Variants in SERAC1 observed in about 807,000 individuals in gnomAD.
SERAC1 encodes protein SERAC1.
Under a neutral mutation model 85.7 loss-of-function variants are expected in SERAC1, and 36 were observed. The ratio of observed to expected loss-of-function variants is 0.42; its 90% CI spans 0.32 to 0.55. The LOEUF is 0.55. Ranked by LOEUF, SERAC1 falls within the 20% of genes least tolerant of loss-of-function variation. SERAC1 has a pLI of 0.11. For missense variants in SERAC1, 629 were observed against 796.2 expected (o/e 0.79, Z 2.53); for synonymous variants, 242 against 265.3 (o/e 0.91, Z 0.85).
At chr6:158,141,820 C>A (rs566914452) in intron 8 of SERAC1, among the ~76,000 whole-genome samples, 1 of 152,296 alleles carries the variant, frequency 6.6e-6, no homozygotes, top group East Asian at 1.9e-4. Flanking sequence ...AAAAGAAAAA[C>A]CATTATAATT....
Position 158,119,042 on chromosome 6 carries a change from G to A in SERAC1, c.1295C>T (p.Thr432Met), listed in dbSNP as rs780982964. The change falls in exon 12 of 17, where the codon ACG becomes ATG. Residue 432 changes from threonine to methionine, a missense_variant. Physicochemically the swap from Thr to Met is moderately conservative, Grantham distance 81. Transcript: ENST00000647468. This position sits in a 1 kb window ranked among gnomAD's most constrained non-coding sequence, Gnocchi z 4.5. ...KPMEDEDRYT[T>M]CWPKTWLAKD... ...TGGCTCCCTTACCTTGGGCCAGCAC[G>A]TCGTATATCTGTCTTCATCCTCCAT... 1.2e-5 allele frequency: 19 copies of A among 1,612,928 alleles called. No homozygotes were observed. The highest frequency in any genetic ancestry group is 1.1e-4 in the South Asian group (10 of 90,858).
intron 2 of SERAC1, among the ~76,000 whole-genome samples, chr6:158,156,858 A>G (rs1312290411): frequency 7.3e-6 from 1 of 137,156 alleles, no homozygotes; most frequent in Non-Finnish European, 1.5e-5. Flanking sequence ...TATATATAAT[A>G]AATATTAATA....
At chr6:158,162,776 T>C (rs1785515464) in intron 1 of SERAC1, among the ~76,000 whole-genome samples, 1 of 152,230 alleles carries the variant, frequency 6.6e-6, no homozygotes, top group Non-Finnish European at 1.5e-5. Context: ...AAACTTCCAG[T>C]TGGCTCACTT....
chr6:158,156,791 A>T (rs924522138), intron 2 of SERAC1, among the ~76,000 whole-genome samples: 1 of 136,036 alleles, frequency 7.4e-6, no homozygotes, highest in Non-Finnish European at 1.5e-5. Context: ...TATATTATAT[A>T]TGTTTAAATG....
chr6:158,123,583 T>C (rs925216255), intron 10 of SERAC1, among the ~76,000 whole-genome samples: 1 of 152,196 alleles, frequency 6.6e-6, no homozygotes. Context: ...AGAAACATAA[T>C]TGCTGAGCAA....
At chr6:158,114,372 G>T in intron 15 of SERAC1, 1 of 525,696 alleles carries the variant, frequency 1.9e-6, no homozygotes, top group Non-Finnish European at 2.5e-6. Context: ...ATTAACAGGT[G>T]TTCCAGAGAG....
intron 10 of SERAC1, among the ~76,000 whole-genome samples, chr6:158,121,982 CATA>C (rs1342507783): frequency 6.6e-6 from 1 of 152,206 alleles, no homozygotes; most frequent in Non-Finnish European, 1.5e-5. Context: ...ATGCAAAACA[CATA>C]ATAATGTTTC....
At chr6:158,146,209 G>A (rs1004506120) in intron 6 of SERAC1, 12 of 152,078 alleles carry the variant, frequency 7.9e-5, no homozygotes, top group African/African-American at 2.9e-4. Flanking sequence ...CTTTGTTCTG[G>A]TAGAAAGTTA....
chr6:158,147,622 T>G (rs985313828), intron 5 of SERAC1, among the ~76,000 whole-genome samples: 27 of 144,114 alleles, frequency 1.9e-4, no homozygotes, highest in Admixed American at 1.7e-3. Context: ...AAAAAAAAAT[T>G]AGCTGGGTGT....
chr6:158,117,183 C>A lies in SERAC1; in HGVS notation c.1403+544G>T, dbSNP rs1269911392. Reference sequence around the variant, plus strand: ...GCAGTTTGATAACACTGATTTAGACCAACTCTGTCAATCTGTAGACAAAGC... The same window carrying A: ...GCAGTTTGATAACACTGATTTAGACAAACTCTGTCAATCTGTAGACAAAGC... On this transcript the variant is annotated intron_variant, in intron 13 of 16. Coordinates refer to ENST00000647468, the MANE Select transcript of SERAC1 (RefSeq NM_032861.4). This position sits in a 1 kb window ranked among gnomAD's most constrained non-coding sequence, Gnocchi z 4.3. 2 of 233,546 alleles carry A rather than the reference C, an allele frequency of 8.6e-6. No homozygotes were observed. Among genetic ancestry groups the A allele is most frequent in the Non-Finnish European group, 1.7e-5 (2 of 119,936 alleles). The allele number at this position is 233,546 out of a possible 1,614,324, so 14.5% of individuals were successfully genotyped here.
In SERAC1 at chr6:158,143,331, CTCTCTCTCTCTCTCTCTATATATA is replaced by C. The variant is rs753202105; in HGVS notation, c.610-171_610-148del. On this transcript the variant is annotated intron_variant, in intron 7 of 16. Transcript: ENST00000647468. ...TCTCTCTCTCTCTCTCTCTCTCTCT[CTCTCTCTCTCTCTCTCTATATATA>C]TATATATATATATATATATACACAC... is the stretch of plus-strand genomic sequence containing the variant. 0.094 allele frequency: 18,596 copies of C among 197,542 alleles called. 675 individuals carry two copies. Among genetic ancestry groups the C allele is most frequent in the Admixed American group, 0.12 (1,201 of 10,382 alleles). 12.2% of individuals were successfully genotyped at this position (197,542 alleles called of 1,614,324 possible).
In SERAC1 at chr6:158,111,218, A is replaced by G. The variant is rs1784135982; in HGVS notation, c.*148T>C. 1 of 718,164 alleles carries G rather than the reference A, an allele frequency of 1.4e-6. No homozygotes were observed. Among genetic ancestry groups the G allele is most frequent in the Non-Finnish European group, 2.1e-6 (1 of 469,398 alleles). 44.5% of individuals were successfully genotyped at this position (718,164 alleles called of 1,614,324 possible). On this transcript the variant is annotated 3_prime_UTR_variant, in exon 17 of 17. Coordinates refer to ENST00000647468, the MANE Select transcript of SERAC1 (RefSeq NM_032861.4). ...GGTGCTTTACAGCGCTTGAAGGGAG[A>G]ACAATGTTCTGTAGTCTGCAACACA...
chr6:158,116,587 A>C (rs1278489686), intron 13 of SERAC1: 1 of 276,800 alleles, frequency 3.6e-6, no homozygotes, highest in Non-Finnish European at 7.0e-6. Context: ...GTAACTTATT[A>C]ACATTGGCCT....
At chr6:158,150,326 AC>A (rs1289703881) in intron 4 of SERAC1, 126 bp downstream of exon 4, 20 of 680,504 alleles carry the variant, frequency 2.9e-5, no homozygotes, top group Non-Finnish European at 4.3e-5. Context: ...CTTGGTTTTC[AC>A]GGGGTTTGGT....
chr6:158,161,842 C>T (rs749509110), intron 1 of SERAC1: 1 of 152,198 alleles, frequency 6.6e-6, no homozygotes, highest in Non-Finnish European at 1.5e-5. Flanking sequence ...GAGCCAGGTA[C>T]TAGGCAGCTA....
intron 8 of SERAC1, among the ~76,000 whole-genome samples, chr6:158,135,646 G>A (rs138294816): frequency 9.2e-5 from 14 of 152,254 alleles, no homozygotes; most frequent in Admixed American, 2.6e-4. Flanking sequence ...ACTGTACTGT[G>A]GTTCTTTCAG....
At chr6:158,132,285 AAAT>A (rs1381302534) in intron 8 of SERAC1, among the ~76,000 whole-genome samples, 3 of 152,174 alleles carry the variant, frequency 2.0e-5, no homozygotes, top group Non-Finnish European at 1.5e-5. Context: ...AACCAACTAA[AAAT>A]AATTTTTGGC....
intron 2 of SERAC1, among the ~76,000 whole-genome samples, chr6:158,156,813 TATATA>T (rs914315320): frequency 3.6e-5 from 5 of 138,242 alleles, no homozygotes; most frequent in South Asian, 2.1e-4. Flanking sequence ...ATAATATATT[TATATA>T]ATATATTAAT....
Position 158,116,495 on chromosome 6 carries a change from C to G in SERAC1, c.1404-213G>C, listed in dbSNP as rs150986584. 3.2e-3 allele frequency: 1,633 copies of G among 513,434 alleles called. 9 individuals are homozygous for G. Among genetic ancestry groups the G allele is most frequent in the Non-Finnish European group, 4.0e-3 (1,148 of 283,856 alleles). 31.8% of individuals were successfully genotyped at this position (513,434 alleles called of 1,614,324 possible). On this transcript the variant is annotated intron_variant, in intron 13 of 16. Coordinates refer to ENST00000647468, the MANE Select transcript of SERAC1 (RefSeq NM_032861.4). ...CCAAGGAATCCTCCCACCTCGGCCT[C>G]CCAAAGCACTAGGATTATAGGCATG... is the stretch of plus-strand genomic sequence containing the variant.
Sources: gnomAD v4.1 joint callset for allele counts (sites outside exome capture counted in the v4.1 genomes callset) on GRCh38, gnomAD v4.1.1 for gene constraint, Gnocchi (gnomAD v3.1) non-coding constraint, MANE v1.5 for transcripts, NCBI Gene and HGNC (gene_info 2026-07-23, HGNC 2026-07-21) for gene names.